SMC1B: variants seen among roughly 807,000 people sequenced by gnomAD.
The protein encoded by SMC1B is structural maintenance of chromosomes 1B, also known as structural maintenance of chromosomes protein 1B.
Under a neutral mutation model 157.9 loss-of-function variants are expected in SMC1B, and 60 were observed. That is an observed-to-expected ratio of 0.38 (90% CI 0.31 to 0.47). SMC1B has a LOEUF of 0.47. Ranked by LOEUF, SMC1B falls within the 20% of genes least tolerant of loss-of-function variation. The pLI, the probability that SMC1B is intolerant of heterozygous loss-of-function variation, is 0.99. For missense variants in SMC1B, 1,165 were observed against 1,426.2 expected, an observed-to-expected ratio of 0.82 and a Z score of 2.95; for synonymous variants, 445 against 483.0, an observed-to-expected ratio of 0.92 and a Z score of 1.03.
Position 45,406,482 on chromosome 22 carries a change from T to C in SMC1B, c.593A>G (p.Gln198Arg). The change falls in exon 4 of 25, where the codon CAA becomes CGA. Residue 198 changes from glutamine to arginine, a missense_variant. By Grantham distance (43) the Gln-to-Arg change is conservative. Coordinates refer to ENST00000357450, the MANE Select transcript of SMC1B (RefSeq NM_148674.5). Reference protein sequence around the residue: ...KKKNIAAERRQAKLEKEEAER... With the variant: ...KKKNIAAERRRAKLEKEEAER... ...TACCTCTTCCTTCTCTAATTTTGCT[T>C]GTCTGCGCTCTGCCGCTATATTTTT... 2 of 1,610,752 alleles carry C rather than the reference T, an allele frequency of 1.2e-6. No homozygotes were observed. Among genetic ancestry groups the C allele is most frequent in the East Asian group, 2.2e-5 (1 of 44,838 alleles).
chr22:45,362,255 A>G (rs550565532), intron 16 of SMC1B, among the ~76,000 whole-genome samples: 1 of 152,214 alleles, frequency 6.6e-6, no homozygotes, highest in East Asian at 1.9e-4. Context: ...CCCATTCTCC[A>G]ATGAGAGTGT....
intron 7 of SMC1B, 130 bp from the exon 8 acceptor site, chr22:45,394,897 C>T: frequency 9.2e-7 from 1 of 1,092,732 alleles, no homozygotes; most frequent in Non-Finnish European, 1.2e-6. Context: ...TATATGAAAA[C>T]ACTTATCAGA....
intron 23 of SMC1B, 95 bp downstream of exon 23, chr22:45,349,633 C>T (rs1344359493): frequency 1.0e-5 from 12 of 1,168,122 alleles, no homozygotes; most frequent in Non-Finnish European, 1.5e-5. Flanking sequence ...CGTGCCTAGA[C>T]CAAGGACTGA....
At chr22:45,401,349 G>A (rs926822722) in intron 5 of SMC1B, among the ~76,000 whole-genome samples, 4 of 152,164 alleles carry the variant, frequency 2.6e-5, no homozygotes, top group African/African-American at 7.2e-5. Context: ...GCTACAAATG[G>A]GGTACATAAG....
At chr22:45,391,343 G>A (rs1160023079) in intron 9 of SMC1B, among the ~76,000 whole-genome samples, 2 of 151,814 alleles carry the variant, frequency 1.3e-5, no homozygotes, top group Non-Finnish European at 1.5e-5. Flanking sequence ...TTATCTTATT[G>A]TTTTACCTCA....
intron 12 of SMC1B, 84 bp downstream of exon 12, chr22:45,383,383 G>T: frequency 2.2e-6 from 2 of 905,694 alleles, no homozygotes; most frequent in Admixed American, 2.9e-5. Context: ...TATAGAATTG[G>T]CACTGTTATT....
chr22:45,347,722 G>C (rs1433926440), intron 23 of SMC1B, among the ~76,000 whole-genome samples: 2 of 152,106 alleles, frequency 1.3e-5, no homozygotes, highest in Non-Finnish European at 2.9e-5. Context: ...TCAAAGTGTT[G>C]GAATTACAGG....
At chr22:45,361,513 C>A (rs1235075475) in intron 17 of SMC1B, among the ~76,000 whole-genome samples, 1 of 152,056 alleles carries the variant, frequency 6.6e-6, no homozygotes, top group East Asian at 1.9e-4. Context: ...GTAGTCCCAG[C>A]TACTTGGGGG....
At chr22:45,354,583 GT>G (rs1369954311) in intron 20 of SMC1B, among the ~76,000 whole-genome samples, 4 of 152,080 alleles carry the variant, frequency 2.6e-5, no homozygotes, top group Non-Finnish European at 4.4e-5. Flanking sequence ...TAGACATGGG[GT>G]TTTACCATGT....
Position 45,387,049 on chromosome 22 carries a change from A to C in SMC1B, c.1732-3T>G. 6.2e-7 allele frequency: 1 copy of C among 1,606,410 alleles called. No homozygotes were observed. Among genetic ancestry groups the C allele is most frequent in the Non-Finnish European group, 8.5e-7 (1 of 1,175,078 alleles). ...AGTCTTTCATTGATTGGCTTGATCT[A>C]AAGGGTTTTAAAATATTTAACATGT... On this transcript the variant is annotated splice_polypyrimidine_tract_variant and splice_region_variant and intron_variant, in intron 10 of 24. Transcript: ENST00000357450.
intron 23 of SMC1B, among the ~76,000 whole-genome samples, chr22:45,349,015 A>G (rs1157932476): frequency 1.0e-5 from 1 of 99,662 alleles, no homozygotes; most frequent in Non-Finnish European, 2.0e-5. Flanking sequence ...ACAAGGACTG[A>G]TTTTTTTTTT....
intron 1 of SMC1B, among the ~76,000 whole-genome samples, chr22:45,412,890 C>G (rs2087362102): frequency 6.6e-6 from 1 of 152,196 alleles, no homozygotes; most frequent in South Asian, 2.1e-4. Context: ...GCTTGGAACC[C>G]ATTACCTCCT....
chr22:45,410,021 G>A (rs1357385209), intron 1 of SMC1B, among the ~76,000 whole-genome samples: 1 of 152,186 alleles, frequency 6.6e-6, no homozygotes, highest in Non-Finnish European at 1.5e-5. Context: ...GAGGTTCCCT[G>A]GTGGGCAACA....
intron 18 of SMC1B, 71 bp from the exon 19 acceptor site, chr22:45,358,866 T>G (rs1228004978): frequency 4.2e-6 from 4 of 957,144 alleles, no homozygotes; most frequent in Non-Finnish European, 6.6e-6. Context: ...TTCATGGCAC[T>G]CCAAAAACAA....
intron 11 of SMC1B, among the ~76,000 whole-genome samples, chr22:45,386,090 T>C (rs75139980): frequency 0.016 from 2,413 of 152,106 alleles, 59 homozygotes; most frequent in African/African-American, 0.053. Context: ...CCCTATAAAA[T>C]AGGTAATATT....
At chr22:45,394,531 C>G (rs1395894539) in intron 8 of SMC1B, among the ~76,000 whole-genome samples, 154 bp downstream of exon 8, 3 of 152,002 alleles carry the variant, frequency 2.0e-5, no homozygotes, top group African/African-American at 7.2e-5. Context: ...GTCTCAGCTA[C>G]AGGCTGAGGT....
chr22:45,406,398 T>C, intron 4 of SMC1B, 62 bp downstream of exon 4: 1 of 1,387,670 alleles, frequency 7.2e-7, no homozygotes, highest in Middle Eastern at 1.8e-4. Context: ...CCATACCTAG[T>C]GATTCTAACA....
In SMC1B at chr22:45,362,002, G is replaced by A. The variant is rs898665843; in HGVS notation, c.2563-18C>T. Reference sequence around the variant, plus strand: ...TCTTCAGCCTGAACAGAGAGGATCTGCATTGTAGATTTACTATCTTTTATA... The same window carrying A: ...TCTTCAGCCTGAACAGAGAGGATCTACATTGTAGATTTACTATCTTTTATA... On this transcript the variant is annotated intron_variant, in intron 16 of 24. Coordinates refer to ENST00000357450, the MANE Select transcript of SMC1B (RefSeq NM_148674.5). 3.7e-6 allele frequency: 6 copies of A among 1,601,050 alleles called. No individual in the cohort carries two copies. The African/African-American group carries it at 4.1e-5, about 11-fold the overall frequency.
At position 45,359,819 on chromosome 22, in the gene SMC1B, T is replaced by G; in HGVS notation, c.2848A>C (p.Ile950Leu). ...IILLSGSLDD[I>L]IEVEMGTEAE... is the part of the protein sequence containing the mutation. ...TGCTAGAATACCTCCACTTCAATGA[T>G]GTCATCCAGTGACCCCGACAAAAGG... is the stretch of plus-strand genomic sequence containing the variant. The change falls in exon 18 of 25, where the codon ATC becomes CTC. Residue 950 changes from isoleucine to leucine, a missense_variant. By Grantham distance (5) the Ile-to-Leu change is conservative (BLOSUM62 2). Coordinates refer to ENST00000357450, the MANE Select transcript of SMC1B (RefSeq NM_148674.5). 6.2e-7 allele frequency: 1 copy of G among 1,613,154 alleles called. No individual in the cohort carries two copies. The highest frequency in any genetic ancestry group is 8.5e-7 in the Non-Finnish European group (1 of 1,179,484).
Sources: gnomAD v4.1 joint callset for allele counts (sites outside exome capture counted in the v4.1 genomes callset) on GRCh38, gnomAD v4.1.1 for gene constraint, MANE v1.5 for transcripts, NCBI Gene and HGNC (gene_info 2026-07-23, HGNC 2026-07-21) for gene names.